PPP1CB: variants seen among roughly 807,000 people sequenced by gnomAD.
PPP1CB encodes protein phosphatase 1 catalytic subunit beta, also known as serine/threonine-protein phosphatase PP1-beta catalytic subunit.
A neutral mutation model predicts 43.7 loss-of-function variants in PPP1CB; 2 were observed. The observed-to-expected ratio is 0.05, with a 90% confidence interval of 0.02 to 0.14. PPP1CB has a LOEUF of 0.14. PPP1CB is among the 10% of genes least tolerant of loss of function. The probability of loss-of-function intolerance (pLI) is 1.00; values close to 1 mark genes in which losing one functional copy is unlikely to be tolerated. For synonymous variants in PPP1CB, 136 were observed against 135.6 expected (o/e 1.00, Z -0.02); for missense variants, 84 against 398.0 (o/e 0.21, Z 6.71).
chr2:28,777,504 A>T (rs1299365799), intron 2 of PPP1CB, among the ~76,000 whole-genome samples: 1 of 152,206 alleles, frequency 6.6e-6, no homozygotes, highest in Non-Finnish European at 1.5e-5. Flanking sequence ...GTGGTCTTCT[A>T]ACTTTGATGT....
At chr2:28,776,261 G>A (rs1204468617) in intron 1 of PPP1CB, among the ~76,000 whole-genome samples, 1 of 150,316 alleles carries the variant, frequency 6.7e-6, no homozygotes, top group African/African-American at 2.4e-5. Flanking sequence ...TTTTCTGTTT[G>A]TTTGTTTTTT....
intron 5 of PPP1CB, among the ~76,000 whole-genome samples, chr2:28,785,063 AGCTTTTTTTTTTT>A (rs1373013809): frequency 1.2e-5 from 1 of 82,644 alleles, no homozygotes; most frequent in Admixed American, 1.2e-4. Flanking sequence ...TTGTGTTAGG[AGCTTTTTTTTTTT>A]TTTTTTTTTT....
At chr2:28,779,089 A>G (rs750861948) in intron 3 of PPP1CB, 50 bp downstream of exon 3, 16 of 1,378,880 alleles carry the variant, frequency 1.2e-5, no homozygotes, top group Admixed American at 9.8e-5. Flanking sequence ...ACATTGCCTA[A>G]TAATTTTCTG....
intron 3 of PPP1CB, among the ~76,000 whole-genome samples, chr2:28,779,409 A>C (rs921736416): frequency 6.6e-6 from 1 of 152,200 alleles, no homozygotes; most frequent in Admixed American, 6.5e-5. Context: ...CCTGTGTCAC[A>C]AGAATTATTG....
chr2:28,759,520 C>CA (rs559532367), intron 1 of PPP1CB, among the ~76,000 whole-genome samples: 3,547 of 100,268 alleles, frequency 0.035, 361 homozygotes, highest in East Asian at 0.089. Flanking sequence ...ACTGCATCTC[C>CA]AAAAAAAAAA....
At chr2:28,794,640 G>A (rs547236612) in intron 7 of PPP1CB, among the ~76,000 whole-genome samples, 74 of 152,148 alleles carry the variant, frequency 4.9e-4, no homozygotes, top group African/African-American at 1.3e-3. Flanking sequence ...GCAGTGAGCC[G>A]AGATTGCACC....
chr2:28,778,512 G>A (rs1361067045), intron 2 of PPP1CB: 2 of 492,600 alleles, frequency 4.1e-6, no homozygotes, highest in African/African-American at 1.9e-5. Context: ...TGAGCTGTTG[G>A]TCAGAGGCCT....
In PPP1CB at chr2:28,781,673, G is replaced by A. The variant is rs1667160551; in HGVS notation, c.416-65G>A. On this transcript the variant is annotated intron_variant, in intron 3 of 7. Transcript: ENST00000395366. ...AATTGAAATCATTCATAATCCTGCG[G>A]CTTTGAGATAACTGATGAGAACAGT... The A allele has an allele frequency of 1.5e-5, 16 of 1,097,908 alleles. No homozygotes were observed. In the Admixed American group the frequency reaches 3.2e-4, roughly 22 times the overall value. The allele number at this position is 1,097,908 out of a possible 1,614,324, so 68.0% of individuals were successfully genotyped here.
At chr2:28,797,145 T>G (rs1327138830) in intron 7 of PPP1CB, among the ~76,000 whole-genome samples, 2 of 152,182 alleles carry the variant, frequency 1.3e-5, no homozygotes, top group East Asian at 1.9e-4. Context: ...GTGAGTTAAC[T>G]TTTTGATGTG....
chr2:28,765,070 CAA>C (rs1666749567), intron 1 of PPP1CB, among the ~76,000 whole-genome samples: 1 of 152,132 alleles, frequency 6.6e-6, no homozygotes, highest in Non-Finnish European at 1.5e-5. Context: ...AGTATACACA[CAA>C]CACACAGACA....
chr2:28,779,418 T>G (rs948424247), intron 3 of PPP1CB, among the ~76,000 whole-genome samples: 3 of 152,224 alleles, frequency 2.0e-5, no homozygotes, highest in Non-Finnish European at 4.4e-5. Flanking sequence ...CAAGAATTAT[T>G]GAGAAGTTCT....
intron 1 of PPP1CB, among the ~76,000 whole-genome samples, chr2:28,764,562 G>A (rs1384210505): frequency 6.6e-6 from 1 of 151,860 alleles, no homozygotes; most frequent in Non-Finnish European, 1.5e-5. Flanking sequence ...TAAATATGGA[G>A]AAAATGCTAG....
At chr2:28,793,738 A>G in intron 6 of PPP1CB, 125 bp from the exon 7 acceptor site, 4 of 1,022,316 alleles carry the variant, frequency 3.9e-6, no homozygotes, top group Non-Finnish European at 5.5e-6. Context: ...ACAACTTCCA[A>G]AACAAAACAG....
At chr2:28,765,280 CTT>C (rs1666754453) in intron 1 of PPP1CB, among the ~76,000 whole-genome samples, 1 of 152,174 alleles carries the variant, frequency 6.6e-6, no homozygotes, top group African/African-American at 2.4e-5. Context: ...GTGGTCATCT[CTT>C]GATGCTGATC....
At chr2:28,795,732 A>G (rs1416132264) in intron 7 of PPP1CB, among the ~76,000 whole-genome samples, 2 of 152,048 alleles carry the variant, frequency 1.3e-5, no homozygotes, top group African/African-American at 4.8e-5. Context: ...ATTTTCTCTC[A>G]TTCTATAGGT....
At chr2:28,797,588 G>A (rs1056542288) in intron 7 of PPP1CB, among the ~76,000 whole-genome samples, 2 of 152,018 alleles carry the variant, frequency 1.3e-5, no homozygotes, top group Admixed American at 1.3e-4. Flanking sequence ...GTGTGTTTTT[G>A]TGAATGTATT....
At chr2:28,777,896 C>T (rs570766590) in intron 2 of PPP1CB, among the ~76,000 whole-genome samples, 1 of 152,142 alleles carries the variant, frequency 6.6e-6, no homozygotes, top group East Asian at 1.9e-4. Context: ...TCAGGTGATC[C>T]ACCTGTCTTG....
At position 28,794,815 on chromosome 2, in the gene PPP1CB, G is replaced by T. The variant is rs146094266; in HGVS notation, c.879+818G>T. Among the ~76,000 whole-genome samples the T allele has an allele frequency of 5.9e-5, 9 of 152,020 alleles. No homozygotes were observed. In the East Asian group the frequency reaches 1.7e-3, roughly 29 times the overall value. ...AGGAAGCACATTGTATACCATGTAC[G>T]GGGGGTTGTTTGCTCACTTTTATTA... On this transcript the variant is annotated intron_variant, in intron 7 of 7. Coordinates refer to ENST00000395366, the MANE Select transcript of PPP1CB (RefSeq NM_002709.3).
Position 28,788,752 on chromosome 2 carries a change from T to C in PPP1CB, c.687T>C (p.Asp229=), listed in dbSNP as rs1238715930. 1.2e-6 allele frequency: 2 copies of C among 1,613,914 alleles called. No homozygotes were observed. Among genetic ancestry groups the C allele is most frequent in the Non-Finnish European group, 1.7e-6 (2 of 1,179,920 alleles). The change falls in exon 6 of 8, where the codon GAT becomes GAC. Residue 229 remains aspartate, a synonymous_variant. Coordinates refer to ENST00000395366, the MANE Select transcript of PPP1CB (RefSeq NM_002709.3). ...DRGVSFTFGA[D]VVSKFLNRHD... is the part of the protein sequence containing the mutation. ...GTGTTTCCTTTACTTTTGGAGCTGATGTAGTCAGTAAATTTCTGAATCGTC... is the reference window on the plus strand; with the variant it reads ...GTGTTTCCTTTACTTTTGGAGCTGACGTAGTCAGTAAATTTCTGAATCGTC...
Sources: allele counts gnomAD v4.1 joint callset (sites outside exome capture counted in the v4.1 genomes callset), GRCh38; gene constraint gnomAD v4.1.1; transcripts MANE v1.5; gene names NCBI Gene and HGNC (gene_info 2026-07-23, HGNC 2026-07-21).